ZNF618: variants seen among roughly 807,000 people sequenced by gnomAD.
ZNF618 encodes the protein neural precursor cell expressed, developmentally down-regulated 10.
Under a neutral mutation model 103.0 loss-of-function variants are expected in ZNF618, and 34 were observed. That is an observed-to-expected ratio of 0.33 (90% CI 0.25 to 0.44). The LOEUF (loss-of-function observed/expected upper bound fraction) is 0.44, where lower values mean the gene tolerates loss of function less well. Among genes scored for constraint, ZNF618 ranks in the 20% least tolerant of loss-of-function variants. ZNF618 has a pLI of 1.00. For synonymous variants in ZNF618, 551 were observed against 542.2 expected (o/e 1.02, Z -0.23); for missense variants, 1,059 against 1,295.4 (o/e 0.82, Z 2.80).
intron 1 of ZNF618, among the ~76,000 whole-genome samples, chr9:113,929,163 A>G (rs998443776): frequency 1.3e-5 from 2 of 152,210 alleles, no homozygotes; most frequent in Non-Finnish European, 2.9e-5. Context: ...TCCTGGAGTT[A>G]AAATCTATGA....
At chr9:113,925,805 C>T (rs1833036390) in intron 1 of ZNF618, among the ~76,000 whole-genome samples, 1 of 152,106 alleles carries the variant, frequency 6.6e-6, no homozygotes, top group African/African-American at 2.4e-5. Flanking sequence ...TTCTTCCCTC[C>T]CTTCCCTTAT....
chr9:113,949,245 G>T (rs1835319383), intron 1 of ZNF618, among the ~76,000 whole-genome samples: 1 of 152,236 alleles, frequency 6.6e-6, no homozygotes, highest in African/African-American at 2.4e-5. Context: ...CATTTGAAAA[G>T]ATATAATTAG....
chr9:113,958,878 A>G (rs1836564650), intron 1 of ZNF618, among the ~76,000 whole-genome samples: 1 of 152,240 alleles, frequency 6.6e-6, no homozygotes, highest in Non-Finnish European at 1.5e-5. Flanking sequence ...ATCGGAGGAC[A>G]GAATTCTGAC....
At chr9:114,025,301 C>T (rs1042190536) in intron 10 of ZNF618, among the ~76,000 whole-genome samples, 19 of 152,228 alleles carry the variant, frequency 1.2e-4, no homozygotes, top group African/African-American at 3.6e-4. Context: ...GTGGAAGTTT[C>T]GGGGAAACCC....
chr9:113,939,511 G>C (rs1351637308), intron 1 of ZNF618, among the ~76,000 whole-genome samples: 3 of 152,054 alleles, frequency 2.0e-5, no homozygotes, highest in Non-Finnish European at 2.9e-5. Flanking sequence ...TTTGTAACAA[G>C]AATTGGAATG....
intron 14 of ZNF618, 97 bp downstream of exon 14, chr9:114,048,091 T>C: frequency 9.3e-7 from 1 of 1,080,044 alleles, no homozygotes; most frequent in Non-Finnish European, 1.4e-6. Context: ...TCCTGTGATG[T>C]TGTAAGATGA....
At chr9:114,023,978 A>C (rs1408777221) in intron 10 of ZNF618, among the ~76,000 whole-genome samples, 1 of 152,194 alleles carries the variant, frequency 6.6e-6, no homozygotes, top group African/African-American at 2.4e-5. Context: ...TTTTCATCAA[A>C]TTTGGAAAAT....
intron 13 of ZNF618, among the ~76,000 whole-genome samples, chr9:114,041,016 T>C (rs1845126662): frequency 1.3e-5 from 2 of 152,198 alleles, no homozygotes; most frequent in East Asian, 1.9e-4. Context: ...TTTTAATAAT[T>C]GCCATTCTAA....
At chr9:113,885,676 T>C (rs1029372975) in intron 1 of ZNF618, among the ~76,000 whole-genome samples, 87 of 152,150 alleles carry the variant, frequency 5.7e-4, no homozygotes, top group African/African-American at 2.0e-3. Context: ...CTCTACTTGT[T>C]CATCTGTTTA....
At position 113,976,071 on chromosome 9, in the gene ZNF618, A is replaced by G. The variant is rs539667774; in HGVS notation, c.77+6911A>G. Among the ~76,000 whole-genome samples, 4 of 152,302 alleles carry G rather than the reference A, an allele frequency of 2.6e-5. No homozygotes were observed. In the East Asian group the frequency reaches 5.8e-4, roughly 22 times the overall value. On this transcript the variant is annotated intron_variant, in intron 2 of 14. Transcript: ENST00000374126. Reference sequence around the variant, plus strand: ...TTACCATTCAACCTAGGCTCTGTAAATAAGAGAGATTCTTGAAAATTCATA... The same window carrying G: ...TTACCATTCAACCTAGGCTCTGTAAGTAAGAGAGATTCTTGAAAATTCATA...
rs1846199080 is a variant in ZNF618, at chr9:114,052,505, T to G, written c.*2338T>G. On this transcript the variant is annotated 3_prime_UTR_variant, in exon 15 of 15. Transcript: ENST00000374126. ...TTCCTAGGGAATATGGGAAGAAACA[T>G]CAGCAGACTTTATGATGTCAGTTGG... is the stretch of plus-strand genomic sequence containing the variant. The G allele has an allele frequency of 6.6e-6, 1 of 152,268 alleles. No individual in the cohort carries two copies. The highest frequency in any genetic ancestry group is 2.4e-5 in the African/African-American group (1 of 41,434). The allele number at this position is 152,268 out of a possible 1,614,324, so 9.4% of individuals were successfully genotyped here. A position where few individuals can be genotyped will look rare whatever the true frequency, so the allele number is the denominator to read the frequency against.
Position 113,951,607 on chromosome 9 carries a change from G to GTGTA in ZNF618, c.34-17509_34-17508insGTAT, listed in dbSNP as rs758165574. 1.6e-3 allele frequency among the ~76,000 whole-genome samples: 214 copies of GTGTA among 133,038 alleles called. 3 individuals are homozygous for GTGTA. The highest frequency in any genetic ancestry group is 2.6e-3 in the Admixed American group (34 of 13,062). The allele number at this position is 133,038 out of a possible 152,430, so 87.3% of individuals were successfully genotyped here. ...TGTGTGTGTGTGTGTGTATATATAT[G>GTGTA]TATATATATATATGTATATATACTC... On this transcript the variant is annotated intron_variant, in intron 1 of 14. Transcript: ENST00000374126.
At position 114,028,840 on chromosome 9, in the gene ZNF618, A is replaced by G. The variant is rs939538511; in HGVS notation, c.952A>G (p.Asn318Asp). The change falls in exon 11 of 15, where the codon AAC (asparagine) becomes GAC (aspartate). Residue 318 changes from asparagine to aspartate, a missense_variant. Physicochemically the swap from Asn to Asp is conservative, Grantham distance 23 (BLOSUM62 1). Coordinates refer to ENST00000374126, the MANE Select transcript of ZNF618 (RefSeq NM_001318042.2). ...PRFVAAKTQT[N>D]QSGKKAPASV... ...CTTCGTGGCAGCGAAGACCCAGACGAACCAGTCGGGGAAAAAAGCTCCGGC... is the reference window on the plus strand; with the variant it reads ...CTTCGTGGCAGCGAAGACCCAGACGGACCAGTCGGGGAAAAAAGCTCCGGC... 24 of 1,550,552 alleles carry G rather than the reference A, an allele frequency of 1.5e-5. No individual in the cohort carries two copies. The highest frequency in any genetic ancestry group is 2.0e-5 in the Non-Finnish European group (23 of 1,147,008).
At chr9:114,024,811 C>T (rs1843361509) in intron 10 of ZNF618, among the ~76,000 whole-genome samples, 1 of 151,940 alleles carries the variant, frequency 6.6e-6, no homozygotes, top group Admixed American at 6.6e-5. Flanking sequence ...GGTATTCAGC[C>T]AGATTTCAAG....
chr9:113,973,605 G>T (rs1299771228), intron 2 of ZNF618, among the ~76,000 whole-genome samples: 1 of 152,166 alleles, frequency 6.6e-6, no homozygotes, highest in Non-Finnish European at 1.5e-5. Flanking sequence ...TGTCGATCTG[G>T]TGTGCAGGTT....
intron 10 of ZNF618, 44 bp from the exon 11 acceptor site, chr9:114,028,689 C>A (rs1843727128): frequency 6.6e-7 from 1 of 1,526,300 alleles, no homozygotes; most frequent in Non-Finnish European, 8.8e-7. Context: ...ACTCACTCTG[C>A]CGGCTGGGAG....
chr9:114,005,311 A>G (rs1405712321), intron 6 of ZNF618, among the ~76,000 whole-genome samples: 1 of 152,244 alleles, frequency 6.6e-6, no homozygotes, highest in Non-Finnish European at 1.5e-5. Context: ...GCTTTCACTG[A>G]CAAAAAAATG....
intron 1 of ZNF618, among the ~76,000 whole-genome samples, chr9:113,888,362 G>A (rs1339049529): frequency 6.6e-6 from 1 of 152,258 alleles, no homozygotes; most frequent in African/African-American, 2.4e-5. Context: ...GGACTCCCTG[G>A]CTTTCAGCCC....
At chr9:113,998,217 C>T in intron 3 of ZNF618, 42 bp from the exon 4 acceptor site, 1 of 1,539,926 alleles carries the variant, frequency 6.5e-7, no homozygotes. Flanking sequence ...TCCAGGCATT[C>T]TCCAACTTTA....
Sources: allele counts gnomAD v4.1 joint callset (sites outside exome capture counted in the v4.1 genomes callset), GRCh38; gene constraint gnomAD v4.1.1; transcripts MANE v1.5; gene names NCBI Gene and HGNC (gene_info 2026-07-23, HGNC 2026-07-21).